TMCO4: variants seen among roughly 807,000 people sequenced by gnomAD.
The protein encoded by TMCO4 is transmembrane and coiled-coil domain-containing protein 4.
In TMCO4, 58 loss-of-function variants were observed where a neutral mutation model predicts 64.7. The ratio of observed to expected loss-of-function variants is 0.90; its 90% CI spans 0.73 to 1.12. TMCO4 has a LOEUF of 1.12. TMCO4 is among the 50% of genes most tolerant of loss of function. The probability of loss-of-function intolerance (pLI) is 0.00; values close to 1 mark genes in which losing one functional copy is unlikely to be tolerated. For synonymous variants in TMCO4, 325 were observed against 346.1 expected (o/e 0.94, Z 0.68); for missense variants, 780 against 825.9 (o/e 0.94, Z 0.68).
At position 19,709,418 on chromosome 1, in the gene TMCO4, G is replaced by A. The variant is rs2095319598; in HGVS notation, c.1265-8533C>T. On this transcript the variant is annotated intron_variant, in intron 13 of 15. Transcript: ENST00000294543. ...ACTGGTGGATACAATCCATGGAAGG[G>A]AAATAAATCACATCAAATGTAATGT... Among the ~76,000 whole-genome samples, 3 of 151,044 alleles carry A rather than the reference G, an allele frequency of 2.0e-5. No homozygotes were observed. The South Asian group carries it at 6.3e-4, about 32-fold the overall frequency.
chr1:19,778,244 ATATTTATTTATT>A (rs142603109), intron 4 of TMCO4, among the ~76,000 whole-genome samples: 26,395 of 146,264 alleles, frequency 0.18, 2,578 homozygotes, highest in East Asian at 0.33. Context: ...CTCATTATTT[ATATTTATTTATT>A]TATTTATTTA....
At chr1:19,709,107 A>G (rs2095317118) in intron 13 of TMCO4, among the ~76,000 whole-genome samples, 3 of 152,200 alleles carry the variant, frequency 2.0e-5, no homozygotes, top group Non-Finnish European at 4.4e-5. Context: ...TGTACCCCCA[A>G]GCCCCGCAGT....
chr1:19,745,563 G>T lies in TMCO4; in HGVS notation c.846C>A (p.Ala282=). The T allele has an allele frequency of 6.2e-7, 1 of 1,614,108 alleles. No homozygotes were observed. Among genetic ancestry groups the T allele is most frequent in the Non-Finnish European group, 8.5e-7 (1 of 1,180,014 alleles). The change falls in exon 10 of 16, where the codon GCC becomes GCA. Residue 282 remains alanine, a synonymous_variant. Coordinates refer to ENST00000294543, the MANE Select transcript of TMCO4 (RefSeq NM_181719.7). The part of the protein sequence containing the change: ...TEGRQLHITI[A]VTGWLASGKY... ...TGCCAGAAGCGAGCCACCCCGTGACGGCGATGGTGATGTGCAGCTGCCTGC... is the reference window on the plus strand; with the variant it reads ...TGCCAGAAGCGAGCCACCCCGTGACTGCGATGGTGATGTGCAGCTGCCTGC...
chr1:19,716,418 G>C (rs1327176323), intron 13 of TMCO4, among the ~76,000 whole-genome samples: 1 of 142,780 alleles, frequency 7.0e-6, no homozygotes, highest in Non-Finnish European at 1.5e-5. Flanking sequence ...TTTTAGTAGA[G>C]ATGGGGTTTC....
At chr1:19,754,339 T>C (rs1316205072) in intron 7 of TMCO4, among the ~76,000 whole-genome samples, 1 of 152,222 alleles carries the variant, frequency 6.6e-6, no homozygotes. Context: ...CTCGTGATTA[T>C]GGTAATTGGC....
chr1:19,774,794 G>C (rs1203228893), intron 4 of TMCO4, among the ~76,000 whole-genome samples: 1 of 150,696 alleles, frequency 6.6e-6, no homozygotes, highest in Non-Finnish European at 1.5e-5. Context: ...ATGAGGAAGG[G>C]AGGTACTAGT....
chr1:19,746,359 G>A (rs747160907), intron 9 of TMCO4, 97 bp downstream of exon 9: 38 of 1,532,528 alleles, frequency 2.5e-5, no homozygotes, highest in Non-Finnish European at 3.3e-5. Flanking sequence ...TGTCTCCCAG[G>A]GAGTCACTGC....
chr1:19,710,582 C>T (rs1045844838), intron 13 of TMCO4, among the ~76,000 whole-genome samples: 5 of 152,100 alleles, frequency 3.3e-5, no homozygotes, highest in East Asian at 1.9e-4. Context: ...GCCTAGCCTC[C>T]GACACGCCAA....
chr1:19,794,780 A>G (rs1485743893), intron 2 of TMCO4, among the ~76,000 whole-genome samples: 1 of 152,244 alleles, frequency 6.6e-6, no homozygotes, highest in Non-Finnish European at 1.5e-5. Flanking sequence ...TCAACAAAAT[A>G]TGATATATAC....
intron 13 of TMCO4, among the ~76,000 whole-genome samples, chr1:19,710,564 G>A (rs755470676): frequency 2.6e-5 from 4 of 152,026 alleles, no homozygotes; most frequent in Non-Finnish European, 4.4e-5. Flanking sequence ...TCCATTTAAC[G>A]ATGGGAAGCC....
chr1:19,761,466 G>C (rs1338982712), intron 6 of TMCO4, among the ~76,000 whole-genome samples: 1 of 152,212 alleles, frequency 6.6e-6, no homozygotes, highest in Non-Finnish European at 1.5e-5. Flanking sequence ...CAAAGGAGCT[G>C]GTATCCAGAG....
intron 6 of TMCO4, among the ~76,000 whole-genome samples, chr1:19,760,167 T>G (rs981372142): frequency 5.3e-5 from 8 of 152,086 alleles, no homozygotes; most frequent in Non-Finnish European, 1.2e-4. Context: ...ATATAGTCTT[T>G]TTTTTTTCTT....
chr1:19,766,974 C>G (rs953669826), intron 6 of TMCO4, among the ~76,000 whole-genome samples: 1 of 152,174 alleles, frequency 6.6e-6, no homozygotes, highest in Non-Finnish European at 1.5e-5. Flanking sequence ...TCCCAGTGTG[C>G]CACTGAAGCT....
At chr1:19,702,689 A>G (rs1350265310) in intron 13 of TMCO4, among the ~76,000 whole-genome samples, 1 of 152,212 alleles carries the variant, frequency 6.6e-6, no homozygotes, top group African/African-American at 2.4e-5. Flanking sequence ...GCTTGAGCCC[A>G]GGAGTTTGAG....
intron 15 of TMCO4, among the ~76,000 whole-genome samples, chr1:19,688,037 G>A (rs904244782): frequency 2.4e-4 from 36 of 152,176 alleles, no homozygotes; most frequent in African/African-American, 7.5e-4. Context: ...TGGTGTAGCC[G>A]ATACTGCGTG....
Position 19,791,796 on chromosome 1 carries a change from C to T in TMCO4, c.-100-4679G>A, listed in dbSNP as rs964275926. Among the ~76,000 whole-genome samples, 9 of 152,282 alleles carry T rather than the reference C, an allele frequency of 5.9e-5. No individual in the cohort carries two copies. In the East Asian group the frequency reaches 9.7e-4, roughly 16 times the overall value. On this transcript the variant is annotated intron_variant, in intron 2 of 15. Transcript: ENST00000294543. Reference sequence around the variant, plus strand: ...GACGGAAGGAGGAGCTCCCAGCTCCCGGTAGCCTCCTGAGGTTCTTGTCCC... The same window carrying T: ...GACGGAAGGAGGAGCTCCCAGCTCCTGGTAGCCTCCTGAGGTTCTTGTCCC...
At chr1:19,786,305 C>T (rs535373964) in intron 3 of TMCO4, among the ~76,000 whole-genome samples, 15 of 152,086 alleles carry the variant, frequency 9.9e-5, no homozygotes, top group Admixed American at 3.3e-4. Context: ...AACAACAACC[C>T]GTGTGATAAA....
At chr1:19,755,575 G>A in intron 7 of TMCO4, 59 bp downstream of exon 7, 2 of 1,603,746 alleles carry the variant, frequency 1.2e-6, no homozygotes, top group Non-Finnish European at 1.7e-6. Context: ...TCTGTTATCT[G>A]CAAAGTACAC....
At chr1:19,725,688 GA>G (rs2095405785) in intron 13 of TMCO4, among the ~76,000 whole-genome samples, 1 of 152,196 alleles carries the variant, frequency 6.6e-6, no homozygotes, top group South Asian at 2.1e-4. Context: ...GCTAGAGGGG[GA>G]TTGTTCATTG....
Sources: allele counts gnomAD v4.1 joint callset (sites outside exome capture counted in the v4.1 genomes callset), GRCh38; gene constraint gnomAD v4.1.1; transcripts MANE v1.5; gene names NCBI Gene and HGNC (gene_info 2026-07-23, HGNC 2026-07-21).